HDAC9: variants seen among roughly 807,000 people sequenced by gnomAD.
HDAC9 encodes the protein MEF-2 interacting transcription repressor (MITR) protein.
In HDAC9, 41 loss-of-function variants were observed where a neutral mutation model predicts 139.4. That is an observed-to-expected ratio of 0.29 (90% CI 0.23 to 0.38). The LOEUF (loss-of-function observed/expected upper bound fraction) is 0.38, where lower values mean the gene tolerates loss of function less well. HDAC9 is among the 10% of genes least tolerant of loss of function. The pLI, the probability that HDAC9 is intolerant of heterozygous loss-of-function variation, is 1.00. For synonymous variants in HDAC9, 517 were observed against 476.2 expected (o/e 1.09, Z -1.12); for missense variants, 1,147 against 1,297.0 (o/e 0.88, Z 1.78).
chr7:18,315,163 TAA>T (rs1799555805), intron 1 of HDAC9, among the ~76,000 whole-genome samples: 1 of 152,244 alleles, frequency 6.6e-6, no homozygotes, highest in Non-Finnish European at 1.5e-5. Flanking sequence ...ATGACTAATA[TAA>T]GACTAATAAG....
chr7:18,282,483 G>A (rs1797165025), intron 2 of HDAC9, among the ~76,000 whole-genome samples: 1 of 152,124 alleles, frequency 6.6e-6, no homozygotes, highest in South Asian at 2.1e-4. Flanking sequence ...GTGATACGTT[G>A]TGATTATTAT....
At chr7:18,908,948 T>C (rs1802509055) in intron 22 of HDAC9, among the ~76,000 whole-genome samples, 2 of 152,090 alleles carry the variant, frequency 1.3e-5, no homozygotes, top group Admixed American at 1.3e-4. Context: ...GAGCATACAG[T>C]CATTCTATTT....
chr7:18,242,770 T>C (rs1048603806), intron 2 of HDAC9, among the ~76,000 whole-genome samples: 1 of 152,210 alleles, frequency 6.6e-6, no homozygotes, highest in Admixed American at 6.5e-5. Context: ...TTTCCTTAAA[T>C]GTTTCTGTCA....
intron 22 of HDAC9, among the ~76,000 whole-genome samples, chr7:18,903,276 T>A (rs1191821217): frequency 2.0e-5 from 3 of 152,204 alleles, no homozygotes; most frequent in Admixed American, 2.0e-4. Flanking sequence ...TTTTTTTAAA[T>A]CCCAGTTTTC....
intron 1 of HDAC9, among the ~76,000 whole-genome samples, chr7:18,401,711 C>T (rs535182049): frequency 2.6e-5 from 4 of 152,242 alleles, no homozygotes; most frequent in Admixed American, 6.5e-5. Flanking sequence ...ATGCTCTAGT[C>T]CTAGCCTCGT....
chr7:18,749,529 G>T (rs1278686208), intron 14 of HDAC9, among the ~76,000 whole-genome samples: 1 of 152,146 alleles, frequency 6.6e-6, no homozygotes, highest in Non-Finnish European at 1.5e-5. Flanking sequence ...ACATGGAAAT[G>T]AATCAATTTA....
intron 22 of HDAC9, among the ~76,000 whole-genome samples, chr7:18,897,179 G>A (rs1563034257): frequency 6.6e-6 from 1 of 151,746 alleles, no homozygotes. Flanking sequence ...AAAAAATCTG[G>A]TCTGACTGAA....
intron 17 of HDAC9, among the ~76,000 whole-genome samples, chr7:18,819,007 C>G (rs570311496): frequency 2.0e-5 from 3 of 152,120 alleles, no homozygotes; most frequent in Non-Finnish European, 4.4e-5. Flanking sequence ...TAGCCAGGTA[C>G]AGTGGCTCAT....
At chr7:18,144,158 A>G (rs757333692) in intron 1 of HDAC9, among the ~76,000 whole-genome samples, 22 of 152,224 alleles carry the variant, frequency 1.4e-4, no homozygotes, top group Non-Finnish European at 2.1e-4. Flanking sequence ...TATGAATAAT[A>G]CATGTTTATT....
intron 6 of HDAC9, among the ~76,000 whole-genome samples, chr7:18,601,007 T>A (rs142243646): frequency 2.6e-5 from 4 of 152,186 alleles, no homozygotes. Flanking sequence ...TTTTGCTATG[T>A]TGACCAAGTT....
At chr7:18,639,784 G>T (rs536817681) in intron 8 of HDAC9, among the ~76,000 whole-genome samples, 44 of 152,092 alleles carry the variant, frequency 2.9e-4, no homozygotes, top group African/African-American at 1.1e-3. Flanking sequence ...ACACTCATAA[G>T]GATGTCTTCC....
In HDAC9 at chr7:18,935,864, G is replaced by A. The variant is rs1258396741; in HGVS notation, c.2859G>A (p.Leu953=). 1.9e-6 allele frequency: 3 copies of A among 1,613,662 alleles called. No individual in the cohort carries two copies. Among genetic ancestry groups the A allele is most frequent in the African/African-American group, 2.7e-5 (2 of 74,888 alleles). Residue 953 remains leucine (L), a synonymous_variant, in exon 23 of 26, where the codon TTG becomes TTA. Transcript: ENST00000686413. The part of the protein sequence containing the change: ...LMTLADGRVV[L]ALEGGHDLTA... The stretch of plus-strand genomic sequence containing the variant: ...CATTGGCTGATGGACGTGTGGTGTT[G>A]GCTCTAGAAGGAGGACATGATCTCA...
chr7:18,217,790 T>C (rs2128173116), intron 2 of HDAC9, among the ~76,000 whole-genome samples: 1 of 152,356 alleles, frequency 6.6e-6, no homozygotes, highest in Non-Finnish European at 1.5e-5. Flanking sequence ...CATGCTTAGC[T>C]ATGTAACAAT....
At chr7:18,337,924 A>G (rs1311978900) in intron 1 of HDAC9, among the ~76,000 whole-genome samples, 1 of 151,762 alleles carries the variant, frequency 6.6e-6, no homozygotes, top group Non-Finnish European at 1.5e-5. Flanking sequence ...TGTAAAATAA[A>G]TGTAACATTA....
At chr7:18,994,964 C>G (rs1004690284) in intron 25 of HDAC9, among the ~76,000 whole-genome samples, 1 of 152,140 alleles carries the variant, frequency 6.6e-6, no homozygotes, top group Non-Finnish European at 1.5e-5. Flanking sequence ...TTTTTTCCTT[C>G]TGGTAGCAAA....
At chr7:18,815,180 A>G (rs1463963336) in intron 17 of HDAC9, among the ~76,000 whole-genome samples, 1 of 152,102 alleles carries the variant, frequency 6.6e-6, no homozygotes, top group South Asian at 2.1e-4. Flanking sequence ...TCTTAAAAAC[A>G]AAAACAAATC....
intron 22 of HDAC9, among the ~76,000 whole-genome samples, chr7:18,923,602 C>CT: frequency 6.6e-6 from 1 of 152,120 alleles, no homozygotes; most frequent in South Asian, 2.1e-4. Context: ...TTTCAGATAC[C>CT]TTAAGTGTCT....
chr7:18,957,382 A>G (rs747911885), intron 24 of HDAC9, among the ~76,000 whole-genome samples: 2 of 152,168 alleles, frequency 1.3e-5, no homozygotes, highest in African/African-American at 2.4e-5. Context: ...GGAAATTAAA[A>G]TTATGGGCTC....
chr7:18,682,254 A>G (rs1221227534), intron 12 of HDAC9, among the ~76,000 whole-genome samples: 2 of 152,006 alleles, frequency 1.3e-5, no homozygotes, highest in African/African-American at 2.4e-5. Context: ...CAAAGAGAAC[A>G]TTGTGCTTTT....
Sources: allele counts gnomAD v4.1 joint callset (sites outside exome capture counted in the v4.1 genomes callset), GRCh38; gene constraint gnomAD v4.1.1; transcripts MANE v1.5; gene names NCBI Gene and HGNC (gene_info 2026-07-23, HGNC 2026-07-21).